Variants in OASL observed in about 807,000 individuals in gnomAD.
OASL encodes the protein 2'-5'-oligoadenylate synthase-like protein.
In OASL, 28 loss-of-function variants were observed where a neutral mutation model predicts 35.3. The observed-to-expected ratio is 0.79, with a 90% CI of 0.59 to 1.09. The LOEUF (loss-of-function observed/expected upper bound fraction) is 1.09. Among genes scored for constraint, OASL ranks in the 50% least tolerant of loss-of-function variants. The probability of loss-of-function intolerance (pLI) is 0.00; values close to 1 mark genes in which losing one functional copy is unlikely to be tolerated. For missense variants in OASL, 620 were observed against 635.2 expected (o/e 0.98, Z 0.26); for synonymous variants, 252 against 254.6 (o/e 0.99, Z 0.10).
intron 5 of OASL, among the ~76,000 whole-genome samples, chr12:121,023,292 TTTC>T (rs1337526927): frequency 2.6e-5 from 3 of 116,240 alleles, no homozygotes; most frequent in Non-Finnish European, 4.1e-5. Context: ...TTTTTCTTTT[TTTC>T]TTTTTTTTTT....
In OASL at chr12:121,031,638, G is replaced by T. The variant is rs753393988; in HGVS notation, c.482-21C>A. On this transcript the variant is annotated intron_variant, in intron 2 of 5. Transcript: ENST00000257570. ...AGGCCCTGAGGAGTGAAGGAGCAAA[G>T]GAAGAGATTGGGGATTGAGGAAGCC... is the stretch of plus-strand genomic sequence containing the variant. 1.4e-5 allele frequency: 22 copies of T among 1,603,704 alleles called. No individual in the cohort carries two copies. In the Admixed American group the frequency reaches 3.3e-4, roughly 24 times the overall value.
rs539533463 is a variant in OASL at position 121,033,761 on chromosome 12, C to A, written c.199-18G>T. Reference sequence around the variant, plus strand: ...GAGCCCACCTGCAGAACACAGAGCCCCGTCACCCTGAGGCCCACTGCCATG... The same window carrying A: ...GAGCCCACCTGCAGAACACAGAGCCACGTCACCCTGAGGCCCACTGCCATG... On this transcript the variant is annotated intron_variant, in intron 1 of 5. Transcript: ENST00000257570. The A allele has an allele frequency of 6.2e-6, 10 of 1,606,988 alleles. No individual in the cohort carries two copies. Among genetic ancestry groups the A allele is most frequent in the African/African-American group, 2.7e-5 (2 of 74,870 alleles).
chr12:121,021,244 A>T (rs1463048291), intron 5 of OASL, among the ~76,000 whole-genome samples, 186 bp from the exon 6 acceptor site: 1 of 152,190 alleles, frequency 6.6e-6, no homozygotes, highest in Non-Finnish European at 1.5e-5. Context: ...AATGCATTTT[A>T]TTCTCAGAGC....
At chr12:121,035,264 T>C (rs187291468) in intron 1 of OASL, among the ~76,000 whole-genome samples, 3 of 152,210 alleles carry the variant, frequency 2.0e-5, no homozygotes, top group East Asian at 1.9e-4. Context: ...TGATGGCTCA[T>C]GCCTGTAATC....
At chr12:121,024,014 G>T in exon 5 of OASL, 4 of 1,614,134 alleles carry the variant, frequency 2.5e-6, no homozygotes, top group Non-Finnish European at 3.4e-6. Context: ...TGGAGATGGG[G>T]TTCTCCCTGT....
chr12:121,035,705 G>T (rs564641431), intron 1 of OASL, among the ~76,000 whole-genome samples: 19 of 152,230 alleles, frequency 1.2e-4, no homozygotes, highest in African/African-American at 4.3e-4. Flanking sequence ...TGGTTCTTCC[G>T]CCTCTTTCTT....
At chr12:121,037,886 T>C (rs1870017627) in intron 1 of OASL, among the ~76,000 whole-genome samples, 1 of 151,592 alleles carries the variant, frequency 6.6e-6, no homozygotes, top group South Asian at 2.1e-4. Flanking sequence ...ATCCCAGGAG[T>C]TCGAGACCAG....
exon 2 of OASL, chr12:121,033,592 T>A (rs1226079297): frequency 6.2e-7 from 1 of 1,614,062 alleles, no homozygotes; most frequent in Non-Finnish European, 8.5e-7. Context: ...GTCCAGCAGG[T>A]CCTGGCTTTG....
Position 121,033,749 on chromosome 12 carries a change from GA to G in OASL, c.199-7del, listed in dbSNP as rs1026908419. 1.9e-5 allele frequency: 31 copies of G among 1,610,428 alleles called. No individual in the cohort carries two copies. Among genetic ancestry groups the G allele is most frequent in the Non-Finnish European group, 2.6e-5 (31 of 1,178,790 alleles). ...CCATTCCCGAAGGAGCCCACCTGCA[GA>G]ACACAGAGCCCCGTCACCCTGAGGC... On this transcript the variant is annotated splice_polypyrimidine_tract_variant and splice_region_variant and intron_variant, in intron 1 of 5. Coordinates refer to ENST00000257570, the Ensembl canonical transcript of OASL.
At chr12:121,028,741 T>C (rs1176556826) in intron 3 of OASL, among the ~76,000 whole-genome samples, 1 of 151,730 alleles carries the variant, frequency 6.6e-6, no homozygotes, top group Non-Finnish European at 1.5e-5. Context: ...AGGAAGCATC[T>C]TAACTGACAG....
chr12:121,023,826 G>T (rs772598154), intron 5 of OASL, 164 bp downstream of exon 5: 135 of 684,446 alleles, frequency 2.0e-4, no homozygotes, highest in Non-Finnish European at 2.9e-4. Context: ...GAGAGCCAAA[G>T]AATTTGTCCA....
At chr12:121,023,528 G>A (rs1003018057) in intron 5 of OASL, among the ~76,000 whole-genome samples, 1 of 152,036 alleles carries the variant, frequency 6.6e-6, no homozygotes, top group Non-Finnish European at 1.5e-5. Flanking sequence ...GACCTCAAGT[G>A]ATCCACCTGT....
At chr12:121,020,458 G>A (rs193160729) in exon 6 of OASL, 3 of 1,231,942 alleles carry the variant, frequency 2.4e-6, no homozygotes, top group Admixed American at 4.6e-5. Flanking sequence ...TGTAAAACTG[G>A]TGAAGACCTG....
Position 121,038,719 on chromosome 12 carries a change from T to G in OASL, c.198+55A>C, listed in dbSNP as rs913374960. On this transcript the variant is annotated intron_variant, in intron 1 of 5. Coordinates refer to ENST00000257570, the Ensembl canonical transcript of OASL. ...GGGGTCCCCAGCATCCCCAGGGACG[T>G]GGACTCTGATACTGGGTTTTGTCTT... 4 of 1,577,936 alleles carry G rather than the reference T, an allele frequency of 2.5e-6. No homozygotes were observed. In the African/African-American group the frequency reaches 5.4e-5, roughly 21 times the overall value.
intron 4 of OASL, among the ~76,000 whole-genome samples, 162 bp downstream of exon 4, chr12:121,027,414 C>A (rs1172655842): frequency 6.6e-6 from 1 of 152,222 alleles, no homozygotes; most frequent in African/African-American, 2.4e-5. Context: ...TGATAAGCCA[C>A]CAACTTGAGA....
At chr12:121,023,293 TTC>T (rs1869325653) in intron 5 of OASL, among the ~76,000 whole-genome samples, 1 of 135,068 alleles carries the variant, frequency 7.4e-6, no homozygotes. Flanking sequence ...TTTTCTTTTT[TTC>T]TTTTTTTTTT....
At chr12:121,030,010 G>A (rs1370345350) in intron 3 of OASL, among the ~76,000 whole-genome samples, 1 of 151,954 alleles carries the variant, frequency 6.6e-6, no homozygotes, top group Non-Finnish European at 1.5e-5. Context: ...GAGACTACAG[G>A]AACCCATCAC....
At position 121,027,457 on chromosome 12, in the gene OASL, C is replaced by T. The variant is rs78828741; in HGVS notation, c.899+119G>A. ...TGTGTTGGTGTGGGAGGTCGATGCTCAACTATGGTGGCAGCCTTACTGCTT... is the reference window on the plus strand; with the variant it reads ...TGTGTTGGTGTGGGAGGTCGATGCTTAACTATGGTGGCAGCCTTACTGCTT... On this transcript the variant is annotated intron_variant, in intron 4 of 5. Coordinates refer to ENST00000257570, the Ensembl canonical transcript of OASL. 274 of 1,462,154 alleles carry T rather than the reference C, an allele frequency of 1.9e-4. No homozygotes were observed. In the African/African-American group the frequency reaches 3.4e-3, roughly 18 times the overall value. 90.6% of individuals were successfully genotyped at this position (1,462,154 alleles called of 1,614,324 possible).
At chr12:121,032,987 G>A (rs570165409) in intron 2 of OASL, among the ~76,000 whole-genome samples, 8 of 151,744 alleles carry the variant, frequency 5.3e-5, no homozygotes, top group South Asian at 4.2e-4. Flanking sequence ...GTGCAATGGC[G>A]CGATCTTGAC....
Sources: gnomAD v4.1 joint callset for allele counts (sites outside exome capture counted in the v4.1 genomes callset) on GRCh38, gnomAD v4.1.1 for gene constraint, MANE v1.5 for transcripts, NCBI Gene and HGNC (gene_info 2026-07-23, HGNC 2026-07-21) for gene names.